Variants in RHCG observed in about 807,000 individuals in gnomAD.
The protein encoded by RHCG is Rh family C glycoprotein, also known as ammonium transporter Rh type C.
A neutral mutation model predicts 55.3 loss-of-function variants in RHCG; 39 were observed. The observed-to-expected ratio is 0.70, with a 90% CI of 0.55 to 0.92. RHCG has a LOEUF of 0.92. Among genes scored for constraint, RHCG ranks in the 40% least tolerant of loss-of-function variants. RHCG has a pLI of 0.00. For synonymous variants in RHCG, 250 were observed against 246.8 expected, an observed-to-expected ratio of 1.01 and a Z score of -0.12; for missense variants, 635 against 627.9, an observed-to-expected ratio of 1.01 and a Z score of -0.12.
At position 89,482,858 on chromosome 15, in the gene RHCG, T is replaced by C. The variant is rs12439190; in HGVS notation, c.522+209A>G. On this transcript the variant is annotated intron_variant, in intron 3 of 10. Coordinates refer to ENST00000268122, the MANE Select transcript of RHCG (RefSeq NM_016321.3). ...CAACATTCAAGGAAGCCCTGCTCTG[T>C]CCACGTGCTGGATTGATGGGCTAGG... Among the ~76,000 whole-genome samples the C allele has an allele frequency of 0.019, 2,851 of 152,320 alleles. 64 individuals are homozygous for C. The highest frequency in any genetic ancestry group is 0.042 in the East Asian group (219 of 5,186).
chr15:89,483,291 A>G (rs2141895176), intron 2 of RHCG, 74 bp from the exon 3 acceptor site: 2 of 1,383,858 alleles, frequency 1.4e-6, no homozygotes, highest in Non-Finnish European at 9.7e-7. Context: ...GACTTTGGTC[A>G]TATATGGATT....
chr15:89,475,948 G>C (rs1020074198), intron 9 of RHCG, among the ~76,000 whole-genome samples: 4 of 152,006 alleles, frequency 2.6e-5, no homozygotes, highest in African/African-American at 9.7e-5. Context: ...CCGCCCCCTT[G>C]TTTTGGAATC....
At chr15:89,488,410 AG>A (rs751917585) in intron 1 of RHCG, among the ~76,000 whole-genome samples, 8 of 152,220 alleles carry the variant, frequency 5.3e-5, no homozygotes, top group Non-Finnish European at 1.2e-4. Flanking sequence ...ATTGTCTTAA[AG>A]GGTTTCCTTA....
chr15:89,495,305 G>A (rs1474321307), intron 1 of RHCG, among the ~76,000 whole-genome samples: 1 of 152,164 alleles, frequency 6.6e-6, no homozygotes, highest in Non-Finnish European at 1.5e-5. Flanking sequence ...TGTTTTCTTG[G>A]AGATAGAGAA....
intron 3 of RHCG, 145 bp from the exon 4 acceptor site, chr15:89,480,553 G>A (rs1254856436): frequency 7.6e-6 from 7 of 920,566 alleles, no homozygotes; most frequent in African/African-American, 5.0e-5. Flanking sequence ...GGGCCTTCAC[G>A]GACCAATCAA....
At chr15:89,491,130 G>A (rs570203813) in intron 1 of RHCG, among the ~76,000 whole-genome samples, 8 of 152,270 alleles carry the variant, frequency 5.3e-5, no homozygotes, top group African/African-American at 1.9e-4. Context: ...GCTGCTGCAG[G>A]GGAAGGTGTG....
chr15:89,490,784 G>T (rs757808901), intron 1 of RHCG, among the ~76,000 whole-genome samples: 1 of 151,946 alleles, frequency 6.6e-6, no homozygotes, highest in African/African-American at 2.4e-5. Flanking sequence ...AGATGACCAG[G>T]GGGGTGAGGG....
At position 89,483,223 on chromosome 15, in the gene RHCG, G is replaced by A; in HGVS notation, c.372-6C>T. On this transcript the variant is annotated splice_polypyrimidine_tract_variant and splice_region_variant and intron_variant, in intron 2 of 10. Coordinates refer to ENST00000268122, the MANE Select transcript of RHCG (RefSeq NM_016321.3). The stretch of plus-strand genomic sequence containing the variant: ...AGAAGTCAGCGTTGATGAGGCTGTG[G>A]GGAGACAGGCCAGTGGAGAAGCTGG... 2 of 1,552,814 alleles carry A rather than the reference G, an allele frequency of 1.3e-6. No homozygotes were observed. The highest frequency in any genetic ancestry group is 1.3e-5 in the African/African-American group (1 of 74,228).
At chr15:89,481,166 G>A (rs1961259541) in intron 3 of RHCG, among the ~76,000 whole-genome samples, 1 of 152,174 alleles carries the variant, frequency 6.6e-6, no homozygotes, top group Admixed American at 6.5e-5. Flanking sequence ...ACAGGGGTAA[G>A]CCAGGCACAG....
At position 89,483,231 on chromosome 15, in the gene RHCG, G is replaced by C. The variant is rs911389629; in HGVS notation, c.372-14C>G. The C allele has an allele frequency of 7.3e-5, 111 of 1,528,742 alleles. No individual in the cohort carries two copies. The highest frequency in any genetic ancestry group is 2.5e-4 in the Admixed American group (14 of 57,036). The allele number at this position is 1,528,742 out of a possible 1,614,324, so 94.7% of individuals were successfully genotyped here. ...GCGTTGATGAGGCTGTGGGGAGACAGGCCAGTGGAGAAGCTGGGGCAATAG... is the reference window on the plus strand; with the variant it reads ...GCGTTGATGAGGCTGTGGGGAGACACGCCAGTGGAGAAGCTGGGGCAATAG... On this transcript the variant is annotated splice_polypyrimidine_tract_variant and intron_variant, in intron 2 of 10. Transcript: ENST00000268122.
Position 89,477,209 on chromosome 15 carries a change from G to C in RHCG, c.1113-3C>G, listed in dbSNP as rs1596402557. ...GAAAGTCAAAGGAATGGACAAGCCT[G>C]GGGTGGAGACAGGGGGCAGGTCAGG... On this transcript the variant is annotated splice_polypyrimidine_tract_variant and splice_region_variant and intron_variant, in intron 7 of 10. Coordinates refer to ENST00000268122, the MANE Select transcript of RHCG (RefSeq NM_016321.3). This position sits in a 1 kb window ranked among gnomAD's most constrained non-coding sequence, Gnocchi z 4.5. 1 of 1,614,004 alleles carries C rather than the reference G, an allele frequency of 6.2e-7. No homozygotes were observed. The highest frequency in any genetic ancestry group is 1.3e-5 in the African/African-American group (1 of 75,020).
chr15:89,492,075 G>A (rs973229216), intron 1 of RHCG, among the ~76,000 whole-genome samples: 1 of 190 alleles, frequency 5.3e-3, no homozygotes, highest in East Asian at 0.12. Context: ...AACTTGCTGA[G>A]GGTCAACAAA....
At position 89,472,766 on chromosome 15, in the gene RHCG, G is replaced by T. The variant is rs757616544; in HGVS notation, c.1409C>A (p.Pro470His). The part of the protein sequence containing the change: ...VPSVPMVSPL[P>H]MASSVPLVP ...TACCAAGGGTACCGAGGAAGCCATG[G>T]GTAGTGGGGACACCATGGGTACTGA... Residue 470 changes from proline to histidine, a missense_variant, in exon 10 of 11, where the codon CCC becomes CAC. By Grantham distance (77) the Pro-to-His change is moderately conservative. Coordinates refer to ENST00000268122, the MANE Select transcript of RHCG (RefSeq NM_016321.3). 2 of 1,591,372 alleles carry T rather than the reference G, an allele frequency of 1.3e-6. No homozygotes were observed. The highest frequency in any genetic ancestry group is 3.5e-5 in the Admixed American group (2 of 57,122).
chr15:89,472,311 G>A (rs953558511), intron 10 of RHCG, among the ~76,000 whole-genome samples: 1 of 152,144 alleles, frequency 6.6e-6, no homozygotes, highest in Admixed American at 6.6e-5. Context: ...AGGGGAGGGT[G>A]GGTCTCATCT....
chr15:89,487,135 C>T (rs1303904688), intron 1 of RHCG, 150 bp from the exon 2 acceptor site: 2 of 659,534 alleles, frequency 3.0e-6, no homozygotes, highest in Non-Finnish European at 2.4e-6. Flanking sequence ...TTCCCCCACC[C>T]CCACCCCCAC....
intron 9 of RHCG, among the ~76,000 whole-genome samples, chr15:89,476,413 G>C (rs1166775413): frequency 6.6e-6 from 1 of 152,082 alleles, no homozygotes; most frequent in Non-Finnish European, 1.5e-5. Context: ...GATGGTGCCG[G>C]GCACCATACC....
At chr15:89,486,593 AGAGAGAGTGTGTGTGT>A in intron 2 of RHCG, 190 bp downstream of exon 2, 2 of 416,602 alleles carry the variant, frequency 4.8e-6, no homozygotes, top group Middle Eastern at 3.7e-4. Context: ...AGAGAGAGAG[AGAGAGAGTGTGTGTGT>A]GTGTGTGTGT....
chr15:89,483,099 C>G lies in RHCG; in HGVS notation c.490G>C (p.Val164Leu), dbSNP rs769791679. The G allele has an allele frequency of 1.9e-6, 3 of 1,605,204 alleles. No homozygotes were observed. The highest frequency in any genetic ancestry group is 2.6e-6 in the Non-Finnish European group (3 of 1,172,732). The stretch of plus-strand genomic sequence containing the variant: ...AGGTTAAGGAGAATGAACTCATTCA[C>G]AGCGAAGAGGGTCACTTGGAAGAAA... ...MTFFQVTLFA[V>L]NEFILLNLLK... The change falls in exon 3 of 11, where the codon GTG becomes CTG. Residue 164 changes from valine (V) to leucine (L), a missense_variant. By Grantham distance (32) the Val-to-Leu change is conservative (BLOSUM62 1). Coordinates refer to ENST00000268122, the MANE Select transcript of RHCG (RefSeq NM_016321.3).
intron 9 of RHCG, 41 bp from the exon 10 acceptor site, chr15:89,472,904 C>A: frequency 7.2e-7 from 1 of 1,393,250 alleles, no homozygotes. Context: ...CTGTCCCAGT[C>A]CAGGCAAGGG....
Sources: gnomAD v4.1 joint callset for allele counts (sites outside exome capture counted in the v4.1 genomes callset) on GRCh38, gnomAD v4.1.1 for gene constraint, Gnocchi (gnomAD v3.1) non-coding constraint, MANE v1.5 for transcripts, NCBI Gene and HGNC (gene_info 2026-07-23, HGNC 2026-07-21) for gene names.